The following NLGN1 variants were observed in gnomAD, a reference collection of about 807,000 sequenced individuals.
NLGN1 encodes the protein neuroligin-1.
In NLGN1, 12 loss-of-function variants were observed where a neutral mutation model predicts 65.5. The ratio of observed to expected loss-of-function variants is 0.18; its 90% CI spans 0.12 to 0.30. NLGN1 has a LOEUF of 0.30. NLGN1 is among the 10% of genes least tolerant of loss of function. The pLI, the probability that NLGN1 is intolerant of heterozygous loss-of-function variation, is 1.00. For missense variants in NLGN1, 750 were observed against 1,007.1 expected (o/e 0.74, Z 3.46); for synonymous variants, 350 against 359.5 (o/e 0.97, Z 0.30).
intron 1 of NLGN1, among the ~76,000 whole-genome samples, chr3:173,416,556 G>C (rs1713837861): frequency 6.6e-6 from 1 of 152,126 alleles, no homozygotes; most frequent in South Asian, 2.1e-4. Flanking sequence ...AGTTAGTTCA[G>C]AAAATATTGC....
chr3:173,522,078 T>G (rs2149139439), intron 2 of NLGN1, among the ~76,000 whole-genome samples: 1 of 152,328 alleles, frequency 6.6e-6, no homozygotes, highest in South Asian at 2.1e-4. Flanking sequence ...GACAGGTAAT[T>G]TTCAACTCTC....
chr3:173,822,788 AT>A (rs1173722947), intron 4 of NLGN1, among the ~76,000 whole-genome samples: 1 of 152,046 alleles, frequency 6.6e-6, no homozygotes, highest in Non-Finnish European at 1.5e-5. Flanking sequence ...TAATTGACTT[AT>A]TTTTCTTTTT....
At chr3:173,842,338 C>G (rs1002395480) in intron 4 of NLGN1, among the ~76,000 whole-genome samples, 4 of 152,114 alleles carry the variant, frequency 2.6e-5, no homozygotes, top group African/African-American at 9.7e-5. Flanking sequence ...TAGCCTCTGC[C>G]TAATCTCACG....
intron 3 of NLGN1, among the ~76,000 whole-genome samples, chr3:173,769,740 C>G (rs1779309529): frequency 6.6e-6 from 1 of 152,174 alleles, no homozygotes; most frequent in Non-Finnish European, 1.5e-5. Flanking sequence ...TTGAGTGCAT[C>G]TACTTAACAA....
At chr3:173,602,713 G>T (rs2149441779) in intron 2 of NLGN1, among the ~76,000 whole-genome samples, 1 of 152,124 alleles carries the variant, frequency 6.6e-6, no homozygotes, top group Non-Finnish European at 1.5e-5. Flanking sequence ...CCTCACCACA[G>T]GTTCTCTGAG....
intron 4 of NLGN1, among the ~76,000 whole-genome samples, chr3:174,122,842 T>C (rs1303784684): frequency 2.0e-5 from 3 of 152,036 alleles, no homozygotes; most frequent in African/African-American, 7.2e-5. Flanking sequence ...TATGCCGATG[T>C]TTTTGGTTGT....
chr3:174,079,536 C>T (rs938481929), intron 4 of NLGN1, among the ~76,000 whole-genome samples: 2 of 152,114 alleles, frequency 1.3e-5, no homozygotes, highest in African/African-American at 4.8e-5. Flanking sequence ...AATCCCGTTA[C>T]TGGGTGTATA....
chr3:173,623,117 A>G (rs1177136930), intron 3 of NLGN1, among the ~76,000 whole-genome samples: 2 of 152,084 alleles, frequency 1.3e-5, no homozygotes, highest in Non-Finnish European at 2.9e-5. Flanking sequence ...CGACAGCAAC[A>G]TATAGTATTT....
intron 3 of NLGN1, among the ~76,000 whole-genome samples, chr3:173,659,801 T>C (rs1007823158): frequency 1.3e-5 from 2 of 151,660 alleles, no homozygotes; most frequent in Non-Finnish European, 3.0e-5. Context: ...GGGTGGTGGT[T>C]TCTTCACTGC....
intron 4 of NLGN1, among the ~76,000 whole-genome samples, chr3:174,090,264 A>T (rs938250444): frequency 6.6e-6 from 1 of 152,124 alleles, no homozygotes; most frequent in African/African-American, 2.4e-5. Context: ...TGAGGTCAAG[A>T]GTTCAAAACC....
intron 2 of NLGN1, among the ~76,000 whole-genome samples, chr3:173,469,183 G>T (rs1057264172): frequency 6.6e-6 from 1 of 151,866 alleles, no homozygotes; most frequent in East Asian, 1.9e-4. Context: ...GTTCTTACTG[G>T]TAAAATGAAT....
chr3:173,652,721 T>A (rs1041360098), intron 3 of NLGN1, among the ~76,000 whole-genome samples: 2 of 152,220 alleles, frequency 1.3e-5, no homozygotes, highest in Non-Finnish European at 2.9e-5. Flanking sequence ...TTGCTTTGGC[T>A]ATTCGAGCTC....
At chr3:173,427,002 T>C (rs1716233291) in intron 1 of NLGN1, among the ~76,000 whole-genome samples, 2 of 152,080 alleles carry the variant, frequency 1.3e-5, no homozygotes, top group Non-Finnish European at 2.9e-5. Context: ...TCAACCTCAT[T>C]ACTTAATGGG....
chr3:174,114,274 A>C (rs1715875049), intron 4 of NLGN1, among the ~76,000 whole-genome samples: 1 of 151,544 alleles, frequency 6.6e-6, no homozygotes. Context: ...TAGGCGTGCA[A>C]ATTGCAGTAG....
At chr3:173,446,186 G>T (rs1281924363) in intron 2 of NLGN1, among the ~76,000 whole-genome samples, 1 of 151,328 alleles carries the variant, frequency 6.6e-6, no homozygotes, top group Admixed American at 6.6e-5. Context: ...TTTAGCATTA[G>T]GTATATCTCC....
chr3:174,107,800 G>T (rs1714275366), intron 4 of NLGN1, among the ~76,000 whole-genome samples: 1 of 152,024 alleles, frequency 6.6e-6, no homozygotes, highest in Admixed American at 6.6e-5. Context: ...AGCAGCAATT[G>T]CTGTTTTAAC....
chr3:173,533,552 C>G (rs1471776652), intron 2 of NLGN1, among the ~76,000 whole-genome samples: 1 of 152,142 alleles, frequency 6.6e-6, no homozygotes, highest in Admixed American at 6.5e-5. Flanking sequence ...TCCCATGGCT[C>G]TCTCAGAGAA....
At chr3:174,133,151 T>C (rs1720526131) in intron 4 of NLGN1, among the ~76,000 whole-genome samples, 1 of 152,208 alleles carries the variant, frequency 6.6e-6, no homozygotes, top group Non-Finnish European at 1.5e-5. Context: ...TTGGCACTTA[T>C]TAGACTTTCC....
chr3:173,435,599 C>G (rs887861176), intron 2 of NLGN1, among the ~76,000 whole-genome samples: 5 of 152,096 alleles, frequency 3.3e-5, no homozygotes, highest in Non-Finnish European at 5.9e-5. Flanking sequence ...CTTTGGGAGA[C>G]TGAGGTGGGG....
Sources: gnomAD v4.1 joint callset for allele counts (sites outside exome capture counted in the v4.1 genomes callset) on GRCh38, gnomAD v4.1.1 for gene constraint, MANE v1.5 for transcripts, NCBI Gene and HGNC (gene_info 2026-07-23, HGNC 2026-07-21) for gene names.